The following NPFFR1 variants were observed in gnomAD, a reference collection of about 807,000 sequenced individuals.
The protein encoded by NPFFR1 is G-protein coupled receptor 147.
In NPFFR1, 17 loss-of-function variants were observed where a neutral mutation model predicts 12.7. The observed-to-expected ratio is 1.34, with a 90% confidence interval of 0.92 to 2.01. NPFFR1 has a LOEUF of 2.01. Among genes scored for constraint, NPFFR1 ranks in the 30% most tolerant of loss-of-function variants. The pLI, the probability that NPFFR1 is intolerant of heterozygous loss-of-function variation, is 0.00. For missense variants in NPFFR1, 604 were observed against 606.5 expected (o/e 1.00, Z 0.04); for synonymous variants, 296 against 264.5 (o/e 1.12, Z -1.16).
chr10:70,255,575 G>A lies in NPFFR1; in HGVS notation c.675C>T (p.Tyr225=), dbSNP rs1384322581. Residue 225 remains tyrosine (Y), a synonymous_variant, in exon 4 of 4, where the codon TAC becomes TAT. Coordinates refer to ENST00000277942, the MANE Select transcript of NPFFR1 (RefSeq NM_022146.5). This position sits in a 1 kb window ranked among gnomAD's most constrained non-coding sequence, Gnocchi z 4.2. ...CCACGATGAGCGCCAGCGGCGCCAG[G>A]TAGATGTGCGAGAAGAGCACAGTGG... ...VYTTVLFSHI[Y]LAPLALIVVM... 1 of 1,551,808 alleles carries A rather than the reference G, an allele frequency of 6.4e-7. No homozygotes were observed. Among genetic ancestry groups the A allele is most frequent in the Non-Finnish European group, 8.7e-7 (1 of 1,147,610 alleles).
chr10:70,279,701 T>A (rs766747252), intron 1 of NPFFR1, among the ~76,000 whole-genome samples: 1 of 152,172 alleles, frequency 6.6e-6, no homozygotes, highest in Admixed American at 6.5e-5. Context: ...CCTCAAATGA[T>A]CTTCCCGCTT....
rs144095454 is a variant in NPFFR1 at position 70,281,002 on chromosome 10, A to AAACAACAAC, written c.7+2659_7+2667dup. On this transcript the variant is annotated intron_variant, in intron 1 of 3. Coordinates refer to ENST00000277942, the MANE Select transcript of NPFFR1 (RefSeq NM_022146.5). ...GGGCAACAGGGCGAGACTCCGTCTCAAACAACAACAACAACAACAACAAAG... is the reference window on the plus strand; with the variant it reads ...GGGCAACAGGGCGAGACTCCGTCTCAAACAACAACAACAACAACAACAACAACAACAAAG... Among the ~76,000 whole-genome samples, 425 of 151,980 alleles carry AAACAACAAC rather than the reference A, an allele frequency of 2.8e-3. 1 individual carries two copies. Among genetic ancestry groups the AAACAACAAC allele is most frequent in the Non-Finnish European group, 4.5e-3 (303 of 67,948 alleles).
At chr10:70,261,016 T>C (rs1367437741) in intron 2 of NPFFR1, among the ~76,000 whole-genome samples, 2 of 152,154 alleles carry the variant, frequency 1.3e-5, no homozygotes, top group African/African-American at 4.8e-5. Flanking sequence ...AGTCCTGCAG[T>C]CAGCCTTGCA....
chr10:70,283,643 C>T (rs1449874450), intron 1 of NPFFR1, 27 bp downstream of exon 1: 2 of 1,533,746 alleles, frequency 1.3e-6, no homozygotes, highest in Middle Eastern at 3.3e-4. Context: ...TGCCCCACGG[C>T]TGGCCCCCAG....
intron 1 of NPFFR1, among the ~76,000 whole-genome samples, chr10:70,266,984 TTG>T (rs1840700422): frequency 6.6e-6 from 1 of 152,236 alleles, no homozygotes; most frequent in South Asian, 2.1e-4. Context: ...CTTCCTGTGG[TTG>T]TGAGTCCCTG....
At chr10:70,264,298 T>G (rs187462734) in intron 2 of NPFFR1, among the ~76,000 whole-genome samples, 17 of 129,426 alleles carry the variant, frequency 1.3e-4, no homozygotes, top group South Asian at 1.2e-3. Context: ...CACTTCAACC[T>G]GGGAGGCGGA....
At chr10:70,283,408 TTCTC>T (rs1341608232) in intron 1 of NPFFR1, among the ~76,000 whole-genome samples, 1 of 150,634 alleles carries the variant, frequency 6.6e-6, no homozygotes, top group East Asian at 2.0e-4. Flanking sequence ...CCCCAGGTCT[TTCTC>T]TCCATCTGTC....
chr10:70,275,020 C>T (rs957785699), intron 1 of NPFFR1, among the ~76,000 whole-genome samples: 1 of 152,188 alleles, frequency 6.6e-6, no homozygotes, highest in Admixed American at 6.5e-5. Flanking sequence ...GCCCCTCCAT[C>T]CCAGGCACCC....
chr10:70,274,162 G>A (rs953853760), intron 1 of NPFFR1, among the ~76,000 whole-genome samples: 3 of 152,178 alleles, frequency 2.0e-5, no homozygotes, highest in Non-Finnish European at 4.4e-5. Flanking sequence ...TATAACAGAG[G>A]TTGGGGGCTG....
At position 70,255,815 on chromosome 10, in the gene NPFFR1, G is replaced by T; in HGVS notation, c.435C>A (p.Ile145=). The part of the protein sequence containing the change: ...VAIAVERFRC[I]VHPFREKLTL... Reference sequence around the variant, plus strand: ...TCAGCTTCTCGCGGAAAGGGTGCACGATGCAGCGGAACCTGCCGCGGGGAG... The same window carrying T: ...TCAGCTTCTCGCGGAAAGGGTGCACTATGCAGCGGAACCTGCCGCGGGGAG... The change falls in exon 4 of 4, where the codon ATC becomes ATA. Residue 145 remains isoleucine, a synonymous_variant. Transcript: ENST00000277942. This position sits in a 1 kb window ranked among gnomAD's most constrained non-coding sequence, Gnocchi z 4.2. 1 of 1,607,968 alleles carries T rather than the reference G, an allele frequency of 6.2e-7. No homozygotes were observed. The highest frequency in any genetic ancestry group is 8.5e-7 in the Non-Finnish European group (1 of 1,177,320).
intron 1 of NPFFR1, among the ~76,000 whole-genome samples, chr10:70,274,309 C>G (rs953826001): frequency 6.6e-6 from 1 of 152,084 alleles, no homozygotes; most frequent in Admixed American, 6.6e-5. Context: ...ATTAGCCGGG[C>G]GTGGTGGCAC....
intron 1 of NPFFR1, among the ~76,000 whole-genome samples, chr10:70,272,198 A>AAAGAAAGAAAG (rs1840751768): frequency 8.4e-6 from 1 of 119,224 alleles, no homozygotes; most frequent in Non-Finnish European, 1.8e-5. Context: ...GAGGAAAGAA[A>AAAGAAAGAAAG]GAAAGAAAGA....
chr10:70,261,046 G>A (rs966814598), intron 2 of NPFFR1, among the ~76,000 whole-genome samples: 2 of 152,060 alleles, frequency 1.3e-5, no homozygotes, highest in Non-Finnish European at 2.9e-5. Context: ...TATAGAAAAA[G>A]GCAGCCCTCT....
rs370700291 is a variant in NPFFR1 at position 70,266,105 on chromosome 10, G to A, written c.294C>T (p.Pro98=). Residue 98 remains proline (P), a synonymous_variant, in exon 2 of 4, where the codon CCC becomes CCT. Transcript: ENST00000277942. ...SDLLVGIFCM[P]TTLVDNLITG... ...TGATGAGGTTGTCCACAAGGGTGGT[G>A]GGCATGCAGAAGATGCCCACCAGCA... is the stretch of plus-strand genomic sequence containing the variant. 1.9e-6 allele frequency: 3 copies of A among 1,613,872 alleles called. No homozygotes were observed. The highest frequency in any genetic ancestry group is 1.3e-5 in the African/African-American group (1 of 74,950).
In NPFFR1 at chr10:70,255,239, G is replaced by T; in HGVS notation, c.1011C>A (p.Arg337=). The part of the protein sequence containing the change: ...IIYGYFNENF[R]RGFQAAFRAR... The stretch of plus-strand genomic sequence containing the variant: ...CGCGGAAGGCGGCCTGGAAGCCGCG[G>T]CGGAAGTTCTCGTTGAAGTAGCCGT... Residue 337 remains arginine (R), a synonymous_variant, in exon 4 of 4, where the codon CGC becomes CGA. Coordinates refer to ENST00000277942, the MANE Select transcript of NPFFR1 (RefSeq NM_022146.5). The surrounding 1 kb of genome is among the most constrained non-coding windows in gnomAD (Gnocchi z 4.2). 2 of 1,558,056 alleles carry T rather than the reference G, an allele frequency of 1.3e-6. No individual in the cohort carries two copies.
rs375310999 is a variant in NPFFR1 at position 70,260,749 on chromosome 10, C to G, written c.323-10G>C. On this transcript the variant is annotated splice_polypyrimidine_tract_variant and intron_variant, in intron 2 of 3. Transcript: ENST00000277942. The stretch of plus-strand genomic sequence containing the variant: ...TTGTCGAAGGGCCACCCTGCAATGA[C>G]AGAGGCCCCCACAGAGTGAGAGATG... 38 of 1,580,650 alleles carry G rather than the reference C, an allele frequency of 2.4e-5. No homozygotes were observed. Among genetic ancestry groups the G allele is most frequent in the African/African-American group, 1.3e-4 (10 of 74,198 alleles).
chr10:70,281,047 G>A (rs1458613065), intron 1 of NPFFR1, among the ~76,000 whole-genome samples: 1 of 152,208 alleles, frequency 6.6e-6, no homozygotes, highest in Non-Finnish European at 1.5e-5. Flanking sequence ...CACCGCAAAA[G>A]AGAGAGTAAA....
At chr10:70,256,730 G>C (rs983475449) in intron 3 of NPFFR1, among the ~76,000 whole-genome samples, 3 of 152,158 alleles carry the variant, frequency 2.0e-5, no homozygotes, top group African/African-American at 7.2e-5. Flanking sequence ...ACTGGGACTC[G>C]AGTGTTAAGC....
rs1840557292 is a variant in NPFFR1, at chr10:70,255,504, G to C, written c.746C>G (p.Pro249Arg). Reference protein sequence around the residue: ...IARKLCQAPGPAPGGEEAADP... With the variant: ...IARKLCQAPGRAPGGEEAADP... ...CGCAGCCTCCTCGCCCCCGGGGGCC[G>C]GGCCCGGGGCCTGGCAGAGCTTGCG... The change falls in exon 4 of 4, where the codon CCG becomes CGG. Residue 249 changes from proline to arginine, a missense_variant. Pro to Arg is a moderately radical substitution (Grantham distance 103, BLOSUM62 -2). Transcript: ENST00000277942. This position sits in a 1 kb window ranked among gnomAD's most constrained non-coding sequence, Gnocchi z 4.2. 1.3e-6 allele frequency: 2 copies of C among 1,547,644 alleles called. No individual in the cohort carries two copies. Among genetic ancestry groups the C allele is most frequent in the Non-Finnish European group, 1.7e-6 (2 of 1,145,340 alleles).
Sources: gnomAD v4.1 joint callset for allele counts (sites outside exome capture counted in the v4.1 genomes callset) on GRCh38, gnomAD v4.1.1 for gene constraint, Gnocchi (gnomAD v3.1) non-coding constraint, MANE v1.5 for transcripts, NCBI Gene and HGNC (gene_info 2026-07-23, HGNC 2026-07-21) for gene names.